Variants in TAFA5 observed in about 807,000 individuals in gnomAD.
TAFA5 encodes the protein TAFA chemokine like family member 5, also known as chemokine-like protein TAFA-5.
Under a neutral mutation model 15.3 loss-of-function variants are expected in TAFA5, and 6 were observed. That is an observed-to-expected ratio of 0.39 (90% CI 0.21 to 0.77). The LOEUF (loss-of-function observed/expected upper bound fraction) is 0.77. TAFA5 is among the 30% of genes least tolerant of loss of function. The probability of loss-of-function intolerance (pLI) is 0.41; values close to 1 mark genes in which losing one functional copy is unlikely to be tolerated. For missense variants in TAFA5, 161 were observed against 193.1 expected, an observed-to-expected ratio of 0.83 and a Z score of 0.98; for synonymous variants, 103 against 80.7, an observed-to-expected ratio of 1.28 and a Z score of -1.48.
intron 2 of TAFA5, 75 bp downstream of exon 2, chr22:48,646,821 G>A: frequency 6.7e-7 from 1 of 1,486,612 alleles, no homozygotes; most frequent in Non-Finnish European, 9.0e-7. Context: ...CCCTGACGCG[G>A]CCCCTTACCT....
intron 3 of TAFA5, among the ~76,000 whole-genome samples, chr22:48,724,886 A>G (rs1929671501): frequency 6.6e-6 from 1 of 152,198 alleles, no homozygotes; most frequent in Non-Finnish European, 1.5e-5. Context: ...CATGGCAGGG[A>G]GGAAAGGCAG....
intron 1 of TAFA5, among the ~76,000 whole-genome samples, chr22:48,494,383 G>A (rs1328355830): frequency 6.6e-6 from 1 of 152,206 alleles, no homozygotes; most frequent in Non-Finnish European, 1.5e-5. Flanking sequence ...AGCACTGTCA[G>A]CGATGGTCCA....
At chr22:48,571,194 G>C (rs1362523379) in intron 1 of TAFA5, among the ~76,000 whole-genome samples, 1 of 151,438 alleles carries the variant, frequency 6.6e-6, no homozygotes, top group African/African-American at 2.4e-5. Context: ...CTGTCTTTGA[G>C]AAGCCAGTGT....
At chr22:48,578,251 T>A (rs1216674646) in intron 1 of TAFA5, among the ~76,000 whole-genome samples, 5 of 152,192 alleles carry the variant, frequency 3.3e-5, no homozygotes, top group African/African-American at 1.2e-4. Flanking sequence ...TTCCACTGAC[T>A]TTGAAGCTGT....
At chr22:48,571,574 GTTTTTTTTTT>G (rs57578802) in intron 1 of TAFA5, among the ~76,000 whole-genome samples, 183 of 29,236 alleles carry the variant, frequency 6.3e-3, no homozygotes, top group African/African-American at 0.018. Context: ...TGCCTGGCCT[GTTTTTTTTTT>G]TTTTTTTTTT....
chr22:48,604,555 T>TGGGCTCTGGCTC (rs1485268241), intron 1 of TAFA5, among the ~76,000 whole-genome samples: 2 of 152,216 alleles, frequency 1.3e-5, no homozygotes, highest in East Asian at 1.9e-4. Flanking sequence ...GGAGGACTCC[T>TGGGCTCTGGCTC]GGGCTCTGGC....
At chr22:48,605,234 A>G (rs1224540789) in intron 1 of TAFA5, among the ~76,000 whole-genome samples, 14 of 11,282 alleles carry the variant, frequency 1.2e-3, no homozygotes, top group South Asian at 3.4e-3. Flanking sequence ...GGTGATGGTA[A>G]TGATGGTGAT....
intron 1 of TAFA5, among the ~76,000 whole-genome samples, chr22:48,583,793 C>G (rs1924203509): frequency 6.6e-6 from 1 of 151,346 alleles, no homozygotes; most frequent in African/African-American, 2.4e-5. Context: ...AAACATACCA[C>G]ACAGCACACA....
chr22:48,591,562 G>C (rs1263306311), intron 1 of TAFA5, among the ~76,000 whole-genome samples: 1 of 152,272 alleles, frequency 6.6e-6, no homozygotes, highest in East Asian at 1.9e-4. Context: ...CTGGCGCAGG[G>C]AGTGGGCACT....
chr22:48,718,490 T>C (rs534091777), intron 3 of TAFA5, among the ~76,000 whole-genome samples: 135 of 152,148 alleles, frequency 8.9e-4, no homozygotes, highest in African/African-American at 3.1e-3. Context: ...CTGGCAGACC[T>C]GTGTGGGCGC....
intron 1 of TAFA5, among the ~76,000 whole-genome samples, chr22:48,540,082 C>T (rs1043559615): frequency 1.3e-5 from 2 of 152,192 alleles, no homozygotes; most frequent in African/African-American, 4.8e-5. Flanking sequence ...GCCTTGACTG[C>T]AGGAGAAGGG....
At chr22:48,691,260 C>T (rs890804619) in intron 2 of TAFA5, among the ~76,000 whole-genome samples, 3 of 152,184 alleles carry the variant, frequency 2.0e-5, no homozygotes, top group Admixed American at 6.5e-5. Context: ...AGTAGGGAGC[C>T]GCCTCCTCTC....
In TAFA5 at chr22:48,749,913, C is replaced by T; in HGVS notation, c.*66C>T. On this transcript the variant is annotated 3_prime_UTR_variant, in exon 4 of 4. Transcript: ENST00000402357. The stretch of plus-strand genomic sequence containing the variant: ...CCCTGGAGAGCCCACGTCTCAGCCA[C>T]AGTTCTCCACTCGCCTCGGACTTCA... 8 of 1,426,896 alleles carry T rather than the reference C, an allele frequency of 5.6e-6. No homozygotes were observed. The highest frequency in any genetic ancestry group is 2.8e-5 in the African/African-American group (2 of 70,806). The allele number at this position is 1,426,896 out of a possible 1,614,324, so 88.4% of individuals were successfully genotyped here.
intron 3 of TAFA5, among the ~76,000 whole-genome samples, chr22:48,739,476 C>T (rs130221): frequency 0.65 from 98,276 of 151,950 alleles, 32,737 homozygotes; most frequent in Admixed American, 0.7. Context: ...GGCTGCATAG[C>T]GAATGCCTGT....
chr22:48,721,608 A>G (rs911066136), intron 3 of TAFA5, among the ~76,000 whole-genome samples: 7 of 152,222 alleles, frequency 4.6e-5, no homozygotes, highest in Non-Finnish European at 1.0e-4. Flanking sequence ...TACAGATGAC[A>G]TCACTTTGAG....
At chr22:48,621,204 C>T (rs1322621414) in intron 1 of TAFA5, among the ~76,000 whole-genome samples, 2 of 105,354 alleles carry the variant, frequency 1.9e-5, no homozygotes, top group Non-Finnish European at 1.9e-5. Context: ...CACTATCCAC[C>T]CAGCCATCCA....
At chr22:48,655,199 C>G (rs1238467504) in intron 2 of TAFA5, among the ~76,000 whole-genome samples, 1 of 152,184 alleles carries the variant, frequency 6.6e-6, no homozygotes, top group Non-Finnish European at 1.5e-5. Context: ...CCTGGCTGCT[C>G]CTGGAGCAAA....
At chr22:48,599,420 G>T (rs1183054932) in intron 1 of TAFA5, among the ~76,000 whole-genome samples, 1 of 152,248 alleles carries the variant, frequency 6.6e-6, no homozygotes, top group East Asian at 1.9e-4. Flanking sequence ...GGGCCATTGG[G>T]TGCCATGGGC....
At chr22:48,628,716 C>T (rs897403895) in intron 1 of TAFA5, among the ~76,000 whole-genome samples, 10 of 152,330 alleles carry the variant, frequency 6.6e-5, no homozygotes, top group Middle Eastern at 3.4e-3. Context: ...TGGCTGCCCC[C>T]GGGAGGATTT....
Sources: allele counts gnomAD v4.1 joint callset (sites outside exome capture counted in the v4.1 genomes callset), GRCh38; gene constraint gnomAD v4.1.1; transcripts MANE v1.5; gene names NCBI Gene and HGNC (gene_info 2026-07-23, HGNC 2026-07-21).